The following CDH7 variants were observed in gnomAD, a reference collection of about 807,000 sequenced individuals.
CDH7 encodes cadherin 7.
Under a neutral mutation model 71.8 loss-of-function variants are expected in CDH7, and 25 were observed. The observed-to-expected ratio is 0.35, with a 90% CI of 0.25 to 0.49. The LOEUF (loss-of-function observed/expected upper bound fraction) is 0.49, where lower values mean the gene tolerates loss of function less well. CDH7 is among the 20% of genes least tolerant of loss of function. CDH7 has a pLI of 0.99. For missense variants in CDH7, 862 were observed against 974.6 expected, an observed-to-expected ratio of 0.88 and a Z score of 1.54; for synonymous variants, 381 against 363.8, an observed-to-expected ratio of 1.05 and a Z score of -0.54.
chr18:65,806,290 G>GA (rs34836118), intron 2 of CDH7, among the ~76,000 whole-genome samples: 44,563 of 146,014 alleles, frequency 0.31, 7,006 homozygotes, highest in African/African-American at 0.39. Flanking sequence ...GTGCTCATTT[G>GA]AAAAAAAAAA....
intron 7 of CDH7, among the ~76,000 whole-genome samples, chr18:65,848,678 T>TA (rs138022069): frequency 0.017 from 2,586 of 152,160 alleles, 68 homozygotes; most frequent in African/African-American, 0.055. Context: ...GTTCCTATAC[T>TA]AAAAATGGCC....
chr18:65,862,534 G>C, intron 10 of CDH7, 132 bp from the exon 11 acceptor site: 1 of 844,198 alleles, frequency 1.2e-6, no homozygotes, highest in East Asian at 2.6e-5. Context: ...AAAGAAAATT[G>C]TTGAAATAAA....
chr18:65,788,994 T>G (rs1910611705), intron 2 of CDH7, among the ~76,000 whole-genome samples: 1 of 152,246 alleles, frequency 6.6e-6, no homozygotes, highest in South Asian at 2.1e-4. Flanking sequence ...AGGATATTTA[T>G]TAATTTACTC....
At chr18:65,822,821 C>T (rs1345217129) in intron 5 of CDH7, among the ~76,000 whole-genome samples, 2 of 151,810 alleles carry the variant, frequency 1.3e-5, no homozygotes, top group Non-Finnish European at 2.9e-5. Flanking sequence ...AACCAAATGC[C>T]CTCAGTTCCA....
chr18:65,854,037 G>A (rs1331182869), intron 7 of CDH7, among the ~76,000 whole-genome samples: 1 of 148,328 alleles, frequency 6.7e-6, no homozygotes, highest in East Asian at 2.0e-4. Context: ...GTGGTGTGTG[G>A]TTCAAGCCTG....
At position 65,784,916 on chromosome 18, in the gene CDH7, A is replaced by G. The variant is rs185844892; in HGVS notation, c.210+21864A>G. Among the ~76,000 whole-genome samples, 729 of 152,228 alleles carry G rather than the reference A, an allele frequency of 4.8e-3. 7 individuals are homozygous for G. The highest frequency in any genetic ancestry group is 0.017 in the African/African-American group (700 of 41,542). On this transcript the variant is annotated intron_variant, in intron 2 of 11. Transcript: ENST00000397968. ...CATTTATGTGTTACATTATACTTGGAGTCCTTGTAAGCCATTAAAACTCCC... is the reference window on the plus strand; with the variant it reads ...CATTTATGTGTTACATTATACTTGGGGTCCTTGTAAGCCATTAAAACTCCC...
At chr18:65,848,577 A>T (rs1203879204) in intron 7 of CDH7, among the ~76,000 whole-genome samples, 3 of 152,092 alleles carry the variant, frequency 2.0e-5, no homozygotes, top group African/African-American at 7.2e-5. Flanking sequence ...TGCAAAGTAC[A>T]TTTATGTTTT....
At chr18:65,818,239 G>T (rs4940653) in intron 4 of CDH7, among the ~76,000 whole-genome samples, 149,312 of 152,318 alleles carry the variant, frequency 0.98, 73,240 homozygotes, top group East Asian at 1. Flanking sequence ...GTTAACTTTG[G>T]ATGCTATAAG....
At chr18:65,812,063 A>G (rs7236460) in intron 3 of CDH7, among the ~76,000 whole-genome samples, 142,556 of 148,292 alleles carry the variant, frequency 0.96, 68,776 homozygotes, top group East Asian at 1. Context: ...CCACCTCCCG[A>G]GTTCAAGCAA....
intron 7 of CDH7, among the ~76,000 whole-genome samples, chr18:65,853,567 A>T (rs1001184659): frequency 1.3e-5 from 2 of 151,862 alleles, no homozygotes; most frequent in Non-Finnish European, 2.9e-5. Flanking sequence ...AGGGGCTGGT[A>T]GAAAATAGGA....
At chr18:65,804,955 T>A (rs1911262833) in intron 2 of CDH7, among the ~76,000 whole-genome samples, 1 of 152,168 alleles carries the variant, frequency 6.6e-6, no homozygotes, top group South Asian at 2.1e-4. Flanking sequence ...AGATACAGGA[T>A]GTTTTTTGTT....
At chr18:65,788,583 G>C (rs1412506706) in intron 2 of CDH7, among the ~76,000 whole-genome samples, 2 of 152,124 alleles carry the variant, frequency 1.3e-5, no homozygotes, top group Non-Finnish European at 2.9e-5. Context: ...CCATCTGCCG[G>C]CTTGCTCAAC....
At chr18:65,831,056 G>T (rs1017402294) in intron 6 of CDH7, among the ~76,000 whole-genome samples, 1 of 151,832 alleles carries the variant, frequency 6.6e-6, no homozygotes, top group African/African-American at 2.4e-5. Flanking sequence ...CAGGGAATAA[G>T]ACAGAATAAT....
intron 6 of CDH7, among the ~76,000 whole-genome samples, chr18:65,827,075 GTTA>G (rs1912158912): frequency 6.6e-6 from 1 of 151,568 alleles, no homozygotes; most frequent in African/African-American, 2.4e-5. Flanking sequence ...TCAATCATTA[GTTA>G]TTATTAAATA....
intron 11 of CDH7, among the ~76,000 whole-genome samples, chr18:65,873,166 A>T (rs537820415): frequency 6.6e-6 from 1 of 152,290 alleles, no homozygotes; most frequent in Admixed American, 6.5e-5. Context: ...TTGAAATTGC[A>T]TCCAGATTGT....
intron 4 of CDH7, 118 bp from the exon 5 acceptor site, chr18:65,821,963 G>A: frequency 1.4e-6 from 1 of 723,958 alleles, no homozygotes; most frequent in Non-Finnish European, 2.4e-6. Context: ...ATTATTTAAA[G>A]TAAACAAAAC....
intron 2 of CDH7, among the ~76,000 whole-genome samples, chr18:65,768,486 T>A (rs1598990123): frequency 6.6e-6 from 1 of 152,308 alleles, no homozygotes; most frequent in South Asian, 2.1e-4. Context: ...TCTGCCCGCC[T>A]CGGCCTCCCA....
In CDH7 at chr18:65,819,733, G is replaced by A. The variant is rs572618633; in HGVS notation, c.626-2348G>A. On this transcript the variant is annotated intron_variant, in intron 4 of 11. Coordinates refer to ENST00000397968, the MANE Select transcript of CDH7 (RefSeq NM_004361.5). ...CTGAGAAAGCTGGTTTTGCAATATT[G>A]AGATTCCCCTTGGAATGGTAGTGCA... 1.7e-3 allele frequency among the ~76,000 whole-genome samples: 251 copies of A among 152,030 alleles called. 3 individuals carry two copies. The highest frequency in any genetic ancestry group is 5.9e-3 in the African/African-American group (246 of 41,484).
intron 7 of CDH7, among the ~76,000 whole-genome samples, chr18:65,850,283 AAGTT>A (rs922126293): frequency 2.0e-5 from 3 of 150,946 alleles, no homozygotes; most frequent in African/African-American, 7.3e-5. Context: ...TGGGGTTAAA[AAGTT>A]AGGGAATATT....
Sources: gnomAD v4.1 joint callset for allele counts (sites outside exome capture counted in the v4.1 genomes callset) on GRCh38, gnomAD v4.1.1 for gene constraint, MANE v1.5 for transcripts, NCBI Gene and HGNC (gene_info 2026-07-23, HGNC 2026-07-21) for gene names.